The following PRKCB variants were observed in gnomAD, a reference collection of about 807,000 sequenced individuals.
PRKCB encodes the protein protein kinase C beta type.
A neutral mutation model predicts 81.5 loss-of-function variants in PRKCB; 13 were observed. That is an observed-to-expected ratio of 0.16 (90% confidence interval 0.10 to 0.25). The LOEUF is 0.25. Ranked by LOEUF, PRKCB falls within the 10% of genes least tolerant of loss-of-function variation. The pLI is 1.00. For missense variants in PRKCB, 509 were observed against 875.7 expected (o/e 0.58, Z 5.29); for synonymous variants, 335 against 321.4 (o/e 1.04, Z -0.45).
At chr16:23,885,543 G>GTGA (rs903627321) in intron 2 of PRKCB, among the ~76,000 whole-genome samples, 5 of 152,088 alleles carry the variant, frequency 3.3e-5, no homozygotes, top group Admixed American at 6.5e-5. Context: ...TCCTGACCTA[G>GTGA]TGATCTACCT....
At chr16:23,909,316 G>A (rs953274316) in intron 2 of PRKCB, among the ~76,000 whole-genome samples, 1 of 152,246 alleles carries the variant, frequency 6.6e-6, no homozygotes, top group South Asian at 2.1e-4. Context: ...AACCATGGGT[G>A]GCTTAAGTGA....
At chr16:24,031,200 T>C (rs1430488432) in intron 3 of PRKCB, among the ~76,000 whole-genome samples, 1 of 152,200 alleles carries the variant, frequency 6.6e-6, no homozygotes, top group South Asian at 2.1e-4. Context: ...ATTTATTGAT[T>C]AGGAAATTAT....
chr16:24,006,897 A>C lies in PRKCB; in HGVS notation c.288+18307A>C, dbSNP rs193060894. ...CCAATTGGAACAACGTGTTTGCTAC[A>C]ATTTCTAAATGCTACATTGCAGATT... On this transcript the variant is annotated intron_variant, in intron 3 of 16. Coordinates refer to ENST00000643927, the MANE Select transcript of PRKCB (RefSeq NM_002738.7). 2.6e-3 allele frequency among the ~76,000 whole-genome samples: 398 copies of C among 152,340 alleles called. 2 individuals are homozygous for C. The highest frequency in any genetic ancestry group is 9.4e-3 in the African/African-American group (389 of 41,578).
At chr16:23,966,823 T>A (rs1370421957) in intron 2 of PRKCB, among the ~76,000 whole-genome samples, 1 of 152,130 alleles carries the variant, frequency 6.6e-6, no homozygotes, top group East Asian at 1.9e-4. Context: ...CAGCAGAGAA[T>A]GAACCGGGCA....
chr16:24,003,201 C>A (rs1221944562), intron 3 of PRKCB, among the ~76,000 whole-genome samples: 1 of 152,128 alleles, frequency 6.6e-6, no homozygotes, highest in East Asian at 1.9e-4. Flanking sequence ...TTTCATTGAA[C>A]CTTTCTTAAA....
chr16:24,216,120 A>G lies in PRKCB; in HGVS notation c.*1304A>G. On this transcript the variant is annotated 3_prime_UTR_variant, in exon 17 of 17. Transcript: ENST00000643927. ...AGAAAGGAACTAACTGCGGAGCTTT[A>G]ATCTTGGCCCCAGTGTTCAGCCACT... 2 of 985,460 alleles carry G rather than the reference A, an allele frequency of 2.0e-6. No homozygotes were observed. The highest frequency in any genetic ancestry group is 2.4e-6 in the Non-Finnish European group (2 of 829,964). The allele number at this position is 985,460 out of a possible 1,614,324, so 61.0% of individuals were successfully genotyped here. A position where few individuals can be genotyped will look rare whatever the true frequency, so the allele number is the denominator to read the frequency against.
At chr16:24,150,220 A>T (rs187189490) in intron 9 of PRKCB, among the ~76,000 whole-genome samples, 1 of 152,276 alleles carries the variant, frequency 6.6e-6, no homozygotes, top group Non-Finnish European at 1.5e-5. Context: ...AATCCCAGCT[A>T]CTTGGGAGGT....
intron 3 of PRKCB, among the ~76,000 whole-genome samples, chr16:24,018,142 G>A (rs564027748): frequency 1.6e-4 from 24 of 151,976 alleles, no homozygotes; most frequent in South Asian, 4.2e-4. Context: ...CTCGTGATCC[G>A]CCCACCTCGG....
chr16:24,049,047 GTTTTTTTT>G (rs1160842975), intron 5 of PRKCB, among the ~76,000 whole-genome samples: 733 of 49,720 alleles, frequency 0.015, 12 homozygotes, highest in African/African-American at 0.055. Context: ...AAATTGGCCT[GTTTTTTTT>G]TTTTTTTTTT....
Position 24,113,377 on chromosome 16 carries a change from C to T in PRKCB, c.918+308C>T, listed in dbSNP as rs544555878. ...CTTTTCTTTGTTTTTTCCTTCCTTC[C>T]TTCCTGCCTTCCTTCCTCTCTCTTT... On this transcript the variant is annotated intron_variant, in intron 8 of 16. Coordinates refer to ENST00000643927, the MANE Select transcript of PRKCB (RefSeq NM_002738.7). Among the ~76,000 whole-genome samples the T allele has an allele frequency of 3.5e-5, 5 of 141,366 alleles. No individual in the cohort carries two copies. The South Asian group carries it at 1.1e-3, about 32-fold the overall frequency. 92.7% of individuals were successfully genotyped at this position (141,366 alleles called of 152,430 possible).
intron 5 of PRKCB, among the ~76,000 whole-genome samples, chr16:24,070,024 T>C (rs73544689): frequency 0.075 from 11,385 of 151,994 alleles, 624 homozygotes; most frequent in African/African-American, 0.13. Flanking sequence ...TACAGCAAAG[T>C]GTTAGGACTG....
At chr16:23,882,565 G>A (rs1459034165) in intron 2 of PRKCB, among the ~76,000 whole-genome samples, 1 of 152,050 alleles carries the variant, frequency 6.6e-6, no homozygotes, top group Non-Finnish European at 1.5e-5. Flanking sequence ...TTAGTGTAAT[G>A]CCCTCAGAGT....
intron 8 of PRKCB, among the ~76,000 whole-genome samples, chr16:24,114,896 A>G (rs891870680): frequency 1.4e-4 from 22 of 152,236 alleles, no homozygotes; most frequent in African/African-American, 5.1e-4. Flanking sequence ...GTCCTGGGAA[A>G]GAGAGGTCAG....
Position 24,218,649 on chromosome 16 carries a change from T to TGA in PRKCB, c.*3838_*3839dup, listed in dbSNP as rs34045233. 0.22 allele frequency: 216,078 copies of TGA among 985,094 alleles called. 24,383 individuals are homozygous for TGA. Among genetic ancestry groups the TGA allele is most frequent in the East Asian group, 0.49 (4,348 of 8,794 alleles). 61.0% of individuals were successfully genotyped at this position (985,094 alleles called of 1,614,324 possible). A position where few individuals can be genotyped will look rare whatever the true frequency, so the allele number is the denominator to read the frequency against. On this transcript the variant is annotated 3_prime_UTR_variant, in exon 17 of 17. Transcript: ENST00000643927. Reference sequence around the variant, plus strand: ...TTGCAAAGGAGAGTGAACCCAGCAATGAGAGATCCTTAACAGCTAGTGCCC... The same window carrying TGA: ...TTGCAAAGGAGAGTGAACCCAGCAATGAGAGAGATCCTTAACAGCTAGTGCCC...
At chr16:24,061,912 A>T (rs1304736120) in intron 5 of PRKCB, among the ~76,000 whole-genome samples, 4 of 130,140 alleles carry the variant, frequency 3.1e-5, no homozygotes, top group Admixed American at 7.2e-5. Flanking sequence ...TAAATAAATA[A>T]AAAAAAAAAA....
intron 5 of PRKCB, among the ~76,000 whole-genome samples, chr16:24,069,995 C>T (rs986738723): frequency 2.0e-5 from 3 of 152,052 alleles, no homozygotes; most frequent in East Asian, 1.9e-4. Context: ...ACTGTCAATA[C>T]GACAAATAAA....
chr16:24,183,849 C>A (rs914703425), intron 13 of PRKCB, among the ~76,000 whole-genome samples: 1 of 152,202 alleles, frequency 6.6e-6, no homozygotes, highest in African/African-American at 2.4e-5. Context: ...AGTTTTACAT[C>A]CCTGCATACT....
At chr16:23,939,487 T>C (rs997996109) in intron 2 of PRKCB, among the ~76,000 whole-genome samples, 1 of 152,196 alleles carries the variant, frequency 6.6e-6, no homozygotes, top group African/African-American at 2.4e-5. Flanking sequence ...CAAGACTATG[T>C]GATATTGGTG....
chr16:23,900,244 A>G (rs1222561339), intron 2 of PRKCB, among the ~76,000 whole-genome samples: 1 of 152,182 alleles, frequency 6.6e-6, no homozygotes, highest in Non-Finnish European at 1.5e-5. Context: ...ACTGCTTATG[A>G]CATACCACTT....
Sources: allele counts gnomAD v4.1 joint callset (sites outside exome capture counted in the v4.1 genomes callset), GRCh38; gene constraint gnomAD v4.1.1; transcripts MANE v1.5; gene names NCBI Gene and HGNC (gene_info 2026-07-23, HGNC 2026-07-21).